The following CAMTA1 variants were observed in gnomAD, a reference collection of about 807,000 sequenced individuals.
CAMTA1 encodes the protein calmodulin-binding transcription activator 1.
Under a neutral mutation model 170.9 loss-of-function variants are expected in CAMTA1, and 27 were observed. That is an observed-to-expected ratio of 0.16 (90% CI 0.12 to 0.22). The LOEUF is 0.22. Ranked by LOEUF, CAMTA1 falls within the 10% of genes least tolerant of loss-of-function variation. The probability of loss-of-function intolerance (pLI) is 1.00; values close to 1 mark genes in which losing one functional copy is unlikely to be tolerated. For missense variants in CAMTA1, 1,619 were observed against 2,217.2 expected, an observed-to-expected ratio of 0.73 and a Z score of 5.42; for synonymous variants, 833 against 891.5, an observed-to-expected ratio of 0.93 and a Z score of 1.17.
chr1:7,427,437 T>C (rs2091921992), intron 5 of CAMTA1, among the ~76,000 whole-genome samples: 4 of 152,190 alleles, frequency 2.6e-5, no homozygotes, highest in African/African-American at 9.7e-5. Flanking sequence ...TGATTGTCAC[T>C]CCTGCCAGCA....
intron 6 of CAMTA1, among the ~76,000 whole-genome samples, chr1:7,569,409 A>C: frequency 6.6e-6 from 1 of 151,128 alleles, no homozygotes; most frequent in African/African-American, 2.4e-5. Context: ...CATCACCATC[A>C]TCATCATCAT....
In CAMTA1 at chr1:7,540,004, A is replaced by C. The variant is rs537575363; in HGVS notation, c.510+72103A>C. Reference sequence around the variant, plus strand: ...GCCCAGCTAGGATGCTGACTCCTCCAGGAAGCCTTACCTTCTAGGACGTTA... The same window carrying C: ...GCCCAGCTAGGATGCTGACTCCTCCCGGAAGCCTTACCTTCTAGGACGTTA... On this transcript the variant is annotated intron_variant, in intron 6 of 22. Coordinates refer to ENST00000303635, the MANE Select transcript of CAMTA1 (RefSeq NM_015215.4). Among the ~76,000 whole-genome samples, 8 of 152,294 alleles carry C rather than the reference A, an allele frequency of 5.3e-5. No individual in the cohort carries two copies. The South Asian group carries it at 1.7e-3, about 32-fold the overall frequency.
rs1324824833 is a variant in CAMTA1, at chr1:7,041,824, C to T, written c.235-49480C>T. The stretch of plus-strand genomic sequence containing the variant: ...CAAAACAGCAAGGCCTAGACTATCT[C>T]GATACCTTGGGAGGATCTGTCATTA... On this transcript the variant is annotated intron_variant, in intron 3 of 22. Coordinates refer to ENST00000303635, the MANE Select transcript of CAMTA1 (RefSeq NM_015215.4). This position sits in a 1 kb window ranked among gnomAD's most constrained non-coding sequence, Gnocchi z 5.1. 1.3e-5 allele frequency among the ~76,000 whole-genome samples: 2 copies of T among 152,308 alleles called. No individual in the cohort carries two copies. Among genetic ancestry groups the T allele is most frequent in the South Asian group, 2.1e-4 (1 of 4,822 alleles).
chr1:7,548,209 G>A (rs925581628), intron 6 of CAMTA1, among the ~76,000 whole-genome samples: 1 of 152,152 alleles, frequency 6.6e-6, no homozygotes, highest in Non-Finnish European at 1.5e-5. Context: ...CACAGTTCTG[G>A]GTCTGCTCTG....
chr1:7,353,431 C>CTT (rs34163773), intron 5 of CAMTA1, among the ~76,000 whole-genome samples: 3,934 of 138,916 alleles, frequency 0.028, 134 homozygotes, highest in African/African-American at 0.07. Context: ...TTCTTTCTCT[C>CTT]TTTTTTTTTT....
At chr1:7,517,248 C>A (rs1021756138) in intron 6 of CAMTA1, among the ~76,000 whole-genome samples, 1 of 152,150 alleles carries the variant, frequency 6.6e-6, no homozygotes, top group African/African-American at 2.4e-5. Flanking sequence ...TAACCAGGAT[C>A]CTTCTAATTA....
At position 7,010,473 on chromosome 1, in the gene CAMTA1, T is replaced by C. The variant is rs1699627146; in HGVS notation, c.235-80831T>C. ...GCCAGGAGACGCTTTCTGAACACAG[T>C]CTGCGTCCTTCCTTATTTTTTGTTA... On this transcript the variant is annotated intron_variant, in intron 3 of 22. Coordinates refer to ENST00000303635, the MANE Select transcript of CAMTA1 (RefSeq NM_015215.4). The surrounding 1 kb of genome is among the most constrained non-coding windows in gnomAD (Gnocchi z 4.4). 6.6e-6 allele frequency among the ~76,000 whole-genome samples: 1 copy of C among 152,226 alleles called. No homozygotes were observed.
rs765374410 is a variant in CAMTA1 at position 7,592,188 on chromosome 1, C to G, written c.511-48212C>G. Among the ~76,000 whole-genome samples the G allele has an allele frequency of 6.6e-6, 1 of 152,168 alleles. No homozygotes were observed. Among genetic ancestry groups the G allele is most frequent in the Non-Finnish European group, 1.5e-5 (1 of 68,046 alleles). On this transcript the variant is annotated intron_variant, in intron 6 of 22. Transcript: ENST00000303635. This position sits in a 1 kb window ranked among gnomAD's most constrained non-coding sequence, Gnocchi z 4.6. ...TGCTAGGATTACAGGCATGAGCCAC[C>G]GCACCCAGCCACTTTTCACAGTTTA...
intron 3 of CAMTA1, among the ~76,000 whole-genome samples, chr1:6,972,863 T>C (rs1692780902): frequency 6.6e-6 from 1 of 152,172 alleles, no homozygotes; most frequent in African/African-American, 2.4e-5. Flanking sequence ...TCCCTTTCCC[T>C]TTTTTGAGAC....
At chr1:7,056,124 TATAATC>T (rs1185740280) in intron 3 of CAMTA1, among the ~76,000 whole-genome samples, 1 of 152,098 alleles carries the variant, frequency 6.6e-6, no homozygotes. Context: ...GAGATGAACT[TATAATC>T]AGAAGGACAC....
In CAMTA1 at chr1:7,682,263, A is replaced by G. The variant is rs933739582; in HGVS notation, c.2914+4530A>G. ...GTTGCCTGCTTCCTGGGCAAGCCTC[A>G]GTGTAAGGTGGGTGAGCCCAGACAG... On this transcript the variant is annotated intron_variant, in intron 11 of 22. Transcript: ENST00000303635. This position sits in a 1 kb window ranked among gnomAD's most constrained non-coding sequence, Gnocchi z 5.0. Among the ~76,000 whole-genome samples the G allele has an allele frequency of 6.6e-6, 1 of 152,190 alleles. No homozygotes were observed. Among genetic ancestry groups the G allele is most frequent in the African/African-American group, 2.4e-5 (1 of 41,438 alleles).
intron 5 of CAMTA1, among the ~76,000 whole-genome samples, chr1:7,310,061 A>T (rs559727136): frequency 2.6e-4 from 39 of 152,146 alleles, no homozygotes; most frequent in Non-Finnish European, 4.6e-4. Flanking sequence ...CTTCCATCTG[A>T]AGAACTTCTT....
At chr1:7,721,276 A>G (rs897903279) in intron 11 of CAMTA1, among the ~76,000 whole-genome samples, 3 of 152,232 alleles carry the variant, frequency 2.0e-5, no homozygotes, top group Admixed American at 6.5e-5. Flanking sequence ...TCTGTGTTCA[A>G]ATCTCTGCCC....
At chr1:7,755,693 GTT>G in intron 22 of CAMTA1, 25 bp downstream of exon 22, 1 of 1,611,078 alleles carries the variant, frequency 6.2e-7, no homozygotes, top group Non-Finnish European at 8.5e-7. Flanking sequence ...CTGCTAGCCA[GTT>G]TCTCTTCTCT....
intron 6 of CAMTA1, among the ~76,000 whole-genome samples, chr1:7,601,907 G>C (rs1189348088): frequency 6.6e-6 from 1 of 151,434 alleles, no homozygotes; most frequent in African/African-American, 2.4e-5. Context: ...TCCAGCTTTG[G>C]CTCGGCATCA....
intron 1 of CAMTA1, among the ~76,000 whole-genome samples, chr1:6,814,467 C>T (rs1645549436): frequency 6.6e-6 from 1 of 152,160 alleles, no homozygotes; most frequent in African/African-American, 2.4e-5. Flanking sequence ...TGGCTTGATG[C>T]AGAGGGCCTA....
chr1:7,746,156 G>A (rs937266637), intron 18 of CAMTA1, 65 bp downstream of exon 18: 4 of 1,537,798 alleles, frequency 2.6e-6, no homozygotes, highest in Admixed American at 3.9e-5. Flanking sequence ...ATGAAAGTCA[G>A]AATCATGCGA....
intron 4 of CAMTA1, among the ~76,000 whole-genome samples, chr1:7,223,462 C>G (rs1244515332): frequency 1.3e-5 from 2 of 151,844 alleles, no homozygotes; most frequent in Non-Finnish European, 2.9e-5. Context: ...CTAGGGTCAC[C>G]TAACAGGGTC....
At chr1:6,818,257 A>T (rs1646064645) in intron 1 of CAMTA1, among the ~76,000 whole-genome samples, 1 of 152,208 alleles carries the variant, frequency 6.6e-6, no homozygotes, top group Non-Finnish European at 1.5e-5. Context: ...GAATCACTTG[A>T]ACCTGGGAGG....
Sources: gnomAD v4.1 joint callset for allele counts (sites outside exome capture counted in the v4.1 genomes callset) on GRCh38, gnomAD v4.1.1 for gene constraint, Gnocchi (gnomAD v3.1) non-coding constraint, MANE v1.5 for transcripts, NCBI Gene and HGNC (gene_info 2026-07-23, HGNC 2026-07-21) for gene names.